The following CSMD1 variants were observed in gnomAD, a reference collection of about 807,000 sequenced individuals.
CSMD1 encodes CUB and sushi domain-containing protein 1.
Under a neutral mutation model 417.5 loss-of-function variants are expected in CSMD1, and 213 were observed. The observed-to-expected ratio is 0.51, with a 90% CI of 0.46 to 0.57. The LOEUF (loss-of-function observed/expected upper bound fraction) is 0.57. Among genes scored for constraint, CSMD1 ranks in the 20% least tolerant of loss-of-function variants. CSMD1 has a pLI of 0.00. For synonymous variants in CSMD1, 2,862 were observed against 1,736.8 expected (o/e 1.65, Z -16.11); for missense variants, 6,923 against 4,529.7 (o/e 1.53, Z -15.17).
chr8:3,843,204 T>G (rs924114262), intron 5 of CSMD1, among the ~76,000 whole-genome samples: 1 of 152,196 alleles, frequency 6.6e-6, no homozygotes, highest in African/African-American at 2.4e-5. Flanking sequence ...CTTGAAAACC[T>G]TGCTTTCCCA....
At chr8:3,294,980 A>C (rs1035642760) in intron 25 of CSMD1, among the ~76,000 whole-genome samples, 1 of 152,018 alleles carries the variant, frequency 6.6e-6, no homozygotes, top group African/African-American at 2.4e-5. Context: ...CATCCCATTT[A>C]TATTTTTAGA....
chr8:4,874,054 C>T (rs1802893769), intron 1 of CSMD1, among the ~76,000 whole-genome samples: 2 of 152,232 alleles, frequency 1.3e-5, no homozygotes, highest in South Asian at 2.1e-4. Context: ...GTGTCATCTA[C>T]CTTTACCTTA....
chr8:3,587,640 C>T (rs17395605), intron 8 of CSMD1, among the ~76,000 whole-genome samples: 51,790 of 152,020 alleles, frequency 0.34, 10,178 homozygotes, highest in Middle Eastern at 0.44. Context: ...TAGGGATTGC[C>T]ATGGATGTCG....
At chr8:3,344,648 A>T (rs1334213683) in intron 22 of CSMD1, among the ~76,000 whole-genome samples, 1 of 152,076 alleles carries the variant, frequency 6.6e-6, no homozygotes, top group African/African-American at 2.4e-5. Flanking sequence ...AACTAAATAA[A>T]ATTAAACAGA....
chr8:3,359,430 A>C, intron 20 of CSMD1, 90 bp from the exon 21 acceptor site: 3 of 885,606 alleles, frequency 3.4e-6, no homozygotes, highest in Non-Finnish European at 4.9e-6. Flanking sequence ...TATTACTAAA[A>C]AAAAAAAAAA....
At chr8:3,036,605 G>A (rs751422205) in intron 50 of CSMD1, among the ~76,000 whole-genome samples, 1 of 152,098 alleles carries the variant, frequency 6.6e-6, no homozygotes, top group Non-Finnish European at 1.5e-5. Context: ...TACTGGACAC[G>A]CGAGAGAAAA....
chr8:3,409,883 G>A (rs1184154568), intron 12 of CSMD1, among the ~76,000 whole-genome samples: 3 of 152,090 alleles, frequency 2.0e-5, no homozygotes, highest in Admixed American at 6.5e-5. Context: ...GCAATTAATC[G>A]GTGCATCTTC....
chr8:3,944,964 G>A (rs1392893397), intron 5 of CSMD1, among the ~76,000 whole-genome samples: 1 of 152,132 alleles, frequency 6.6e-6, no homozygotes, highest in Non-Finnish European at 1.5e-5. Context: ...GGATGACAAA[G>A]ATATCTAATA....
chr8:3,443,172 C>CA (rs1381446909), intron 12 of CSMD1, among the ~76,000 whole-genome samples: 3 of 151,984 alleles, frequency 2.0e-5, no homozygotes, highest in Non-Finnish European at 4.4e-5. Context: ...CCTTCTGCTG[C>CA]AAAAAAATGT....
intron 23 of CSMD1, among the ~76,000 whole-genome samples, chr8:3,319,378 T>C (rs1346300790): frequency 1.3e-5 from 2 of 152,174 alleles, no homozygotes; most frequent in Non-Finnish European, 2.9e-5. Flanking sequence ...TTGGTATAAT[T>C]TTATGTCAGT....
chr8:3,788,590 G>A (rs758876043), intron 5 of CSMD1, among the ~76,000 whole-genome samples: 2 of 152,122 alleles, frequency 1.3e-5, no homozygotes, highest in Admixed American at 6.5e-5. Context: ...TCTTACCAAA[G>A]GTGTTAATAG....
At chr8:4,710,993 G>T (rs1435990891) in intron 1 of CSMD1, among the ~76,000 whole-genome samples, 2 of 152,130 alleles carry the variant, frequency 1.3e-5, no homozygotes, top group African/African-American at 4.8e-5. Context: ...TGAGTGACAT[G>T]TGAGGTGACG....
At chr8:3,017,179 C>T (rs1808907927) in intron 52 of CSMD1, among the ~76,000 whole-genome samples, 1 of 152,184 alleles carries the variant, frequency 6.6e-6, no homozygotes, top group Non-Finnish European at 1.5e-5. Context: ...TACATACTGT[C>T]AGACGTGAGT....
At chr8:3,139,398 T>C (rs1183274047) in intron 41 of CSMD1, among the ~76,000 whole-genome samples, 1 of 152,152 alleles carries the variant, frequency 6.6e-6, no homozygotes, top group African/African-American at 2.4e-5. Context: ...AGAGATTTTC[T>C]GGCCCCTGAA....
intron 2 of CSMD1, among the ~76,000 whole-genome samples, chr8:4,459,194 C>A (rs1036254443): frequency 6.6e-6 from 1 of 152,184 alleles, no homozygotes; most frequent in Non-Finnish European, 1.5e-5. Flanking sequence ...GGCCAACAGG[C>A]CATGTCGCTT....
intron 7 of CSMD1, among the ~76,000 whole-genome samples, chr8:3,618,006 AG>A (rs1443568208): frequency 6.6e-6 from 1 of 152,102 alleles, no homozygotes; most frequent in African/African-American, 2.4e-5. Flanking sequence ...AGTTTAGCTT[AG>A]TTTGTTTGTT....
At chr8:4,114,478 G>A (rs1428176498) in intron 3 of CSMD1, among the ~76,000 whole-genome samples, 6 of 152,164 alleles carry the variant, frequency 3.9e-5, no homozygotes, top group East Asian at 1.9e-4. Context: ...GATTAATGTT[G>A]TCTTCATGCC....
intron 2 of CSMD1, among the ~76,000 whole-genome samples, chr8:4,600,956 A>ATTTT (rs36030872): frequency 7.2e-6 from 1 of 139,094 alleles, no homozygotes; most frequent in Non-Finnish European, 1.5e-5. Context: ...TCTTAATTAG[A>ATTTT]TTTTTTTTTT....
chr8:4,619,993 T>C (rs540020380), intron 2 of CSMD1, among the ~76,000 whole-genome samples: 1 of 152,158 alleles, frequency 6.6e-6, no homozygotes, highest in African/African-American at 2.4e-5. Context: ...TAATTACAAA[T>C]ATGTTCTTAA....
Sources: allele counts gnomAD v4.1 joint callset (sites outside exome capture counted in the v4.1 genomes callset), GRCh38; gene constraint gnomAD v4.1.1; transcripts MANE v1.5; gene names NCBI Gene and HGNC (gene_info 2026-07-23, HGNC 2026-07-21).